The following GPC6 variants were observed in gnomAD, a reference collection of about 807,000 sequenced individuals.
GPC6 encodes glypican-6.
In GPC6, 14 loss-of-function variants were observed where a neutral mutation model predicts 55.2. The observed-to-expected ratio is 0.25, with a 90% CI of 0.17 to 0.40. The LOEUF is 0.40. Ranked by LOEUF, GPC6 falls within the 10% of genes least tolerant of loss-of-function variation. GPC6 has a pLI of 1.00. For missense variants in GPC6, 641 were observed against 708.5 expected, an observed-to-expected ratio of 0.90 and a Z score of 1.08; for synonymous variants, 278 against 259.6, an observed-to-expected ratio of 1.07 and a Z score of -0.68.
At chr13:94,364,950 T>C (rs1287077098) in intron 6 of GPC6, among the ~76,000 whole-genome samples, 1 of 152,200 alleles carries the variant, frequency 6.6e-6, no homozygotes, top group Non-Finnish European at 1.5e-5. Flanking sequence ...GACCCAGAAT[T>C]TGAACTTGCC....
chr13:94,308,860 G>A (rs1876091313), intron 6 of GPC6, among the ~76,000 whole-genome samples: 1 of 152,200 alleles, frequency 6.6e-6, no homozygotes, highest in South Asian at 2.1e-4. Flanking sequence ...AGTCTCAGCA[G>A]CCATTGGCTC....
chr13:93,589,734 G>A (rs184404871), intron 2 of GPC6, among the ~76,000 whole-genome samples: 3 of 152,272 alleles, frequency 2.0e-5, no homozygotes, highest in East Asian at 3.9e-4. Flanking sequence ...TGCATTTATT[G>A]TGACCCTAAA....
At chr13:93,989,900 G>A (rs1881216982) in intron 3 of GPC6, among the ~76,000 whole-genome samples, 1 of 139,164 alleles carries the variant, frequency 7.2e-6, no homozygotes, top group South Asian at 2.4e-4. Context: ...ATATGTGTGT[G>A]TGTATATATA....
At chr13:93,843,695 C>T (rs1366682472) in intron 3 of GPC6, among the ~76,000 whole-genome samples, 3 of 152,070 alleles carry the variant, frequency 2.0e-5, no homozygotes, top group Admixed American at 1.3e-4. Context: ...AACCCTGAGC[C>T]GGCAATTGCA....
intron 4 of GPC6, among the ~76,000 whole-genome samples, chr13:94,157,035 C>G (rs1042576728): frequency 6.6e-6 from 1 of 152,074 alleles, no homozygotes; most frequent in Admixed American, 6.6e-5. Context: ...ATGGGGCAGA[C>G]GTGGATATAA....
At chr13:94,312,286 T>C (rs991896614) in intron 6 of GPC6, among the ~76,000 whole-genome samples, 1 of 152,248 alleles carries the variant, frequency 6.6e-6, no homozygotes, top group African/African-American at 2.4e-5. Context: ...ATTACATACA[T>C]ATTTAAGTAC....
intron 4 of GPC6, among the ~76,000 whole-genome samples, chr13:94,082,620 T>G (rs912526860): frequency 9.2e-5 from 14 of 152,174 alleles, no homozygotes. Context: ...AGCATTCCAG[T>G]GGCCCTCAGT....
chr13:94,397,444 C>A (rs988208968), intron 7 of GPC6, among the ~76,000 whole-genome samples: 1 of 152,174 alleles, frequency 6.6e-6, no homozygotes, highest in Non-Finnish European at 1.5e-5. Context: ...ATGTGAAACT[C>A]AGAATCATTT....
intron 3 of GPC6, among the ~76,000 whole-genome samples, chr13:93,999,877 A>C (rs1290350409): frequency 6.6e-6 from 1 of 152,178 alleles, no homozygotes; most frequent in African/African-American, 2.4e-5. Context: ...ACATTTATAC[A>C]TTATTGGCAT....
chr13:93,982,901 T>C (rs1478097897), intron 3 of GPC6, among the ~76,000 whole-genome samples: 2 of 152,342 alleles, frequency 1.3e-5, no homozygotes, highest in East Asian at 3.9e-4. Context: ...TCAGAATGTT[T>C]ATACTTATAT....
intron 2 of GPC6, among the ~76,000 whole-genome samples, chr13:93,728,440 T>C (rs190225383): frequency 8.6e-4 from 130 of 151,676 alleles, no homozygotes; most frequent in African/African-American, 3.1e-3. Context: ...AGGGTCTCAC[T>C]ATGTTGCCCA....
chr13:93,693,461 C>CTGTGTGTGTGTG (rs35459356), intron 2 of GPC6, among the ~76,000 whole-genome samples: 3,155 of 139,364 alleles, frequency 0.023, 63 homozygotes, highest in Middle Eastern at 0.085. Context: ...GTATGTATAT[C>CTGTGTGTGTGTG]TGTGTGTGTG....
intron 4 of GPC6, among the ~76,000 whole-genome samples, chr13:94,037,129 T>C (rs1278598190): frequency 6.6e-6 from 1 of 151,980 alleles, no homozygotes; most frequent in East Asian, 1.9e-4. Context: ...TTTGCAATTA[T>C]TACAGAGCAC....
chr13:93,828,926 C>T (rs2138977965), intron 2 of GPC6, among the ~76,000 whole-genome samples: 1 of 152,230 alleles, frequency 6.6e-6, no homozygotes, highest in Admixed American at 6.5e-5. Context: ...CAAGTAGCTT[C>T]CATGGAATTA....
chr13:93,558,942 T>A (rs2139455591), intron 2 of GPC6, among the ~76,000 whole-genome samples: 1 of 152,274 alleles, frequency 6.6e-6, no homozygotes, highest in African/African-American at 2.4e-5. Flanking sequence ...GAGTTAGGTT[T>A]TTATATGGTC....
chr13:94,322,104 G>A (rs562563202), intron 6 of GPC6, among the ~76,000 whole-genome samples: 4 of 152,258 alleles, frequency 2.6e-5, no homozygotes, highest in South Asian at 4.1e-4. Context: ...GGAGGGACCC[G>A]GTGAGAGATA....
At chr13:94,172,561 C>T (rs1888610200) in intron 4 of GPC6, among the ~76,000 whole-genome samples, 1 of 152,196 alleles carries the variant, frequency 6.6e-6, no homozygotes, top group Non-Finnish European at 1.5e-5. Flanking sequence ...CTCAGCCATA[C>T]TTATTCATTA....
intron 4 of GPC6, among the ~76,000 whole-genome samples, chr13:94,140,575 A>G (rs1417842601): frequency 6.6e-6 from 1 of 152,200 alleles, no homozygotes. Flanking sequence ...TGTCTTACAG[A>G]TGAGGAAACT....
intron 2 of GPC6, among the ~76,000 whole-genome samples, chr13:93,691,887 A>T (rs1431389969): frequency 6.6e-6 from 1 of 152,104 alleles, no homozygotes; most frequent in Non-Finnish European, 1.5e-5. Context: ...AGCAAGTTTC[A>T]GACACATGGA....
Sources: gnomAD v4.1 joint callset for allele counts (sites outside exome capture counted in the v4.1 genomes callset) on GRCh38, gnomAD v4.1.1 for gene constraint, MANE v1.5 for transcripts, NCBI Gene and HGNC (gene_info 2026-07-23, HGNC 2026-07-21) for gene names.